FBXO15: variants seen among roughly 807,000 people sequenced by gnomAD.
FBXO15 encodes the protein F-box protein 15.
A neutral mutation model predicts 49.5 loss-of-function variants in FBXO15; 30 were observed. The ratio of observed to expected loss-of-function variants is 0.61; its 90% CI spans 0.45 to 0.82. FBXO15 has a LOEUF of 0.82. Ranked by LOEUF, FBXO15 falls within the 40% of genes least tolerant of loss-of-function variation. FBXO15 has a pLI of 0.00. For synonymous variants in FBXO15, 250 were observed against 232.7 expected, an observed-to-expected ratio of 1.07 and a Z score of -0.68; for missense variants, 591 against 631.5, an observed-to-expected ratio of 0.94 and a Z score of 0.69.
At chr18:74,092,079 T>C (rs886206252) in intron 8 of FBXO15, among the ~76,000 whole-genome samples, 1 of 152,218 alleles carries the variant, frequency 6.6e-6, no homozygotes, top group Non-Finnish European at 1.5e-5. Context: ...TCATTCTTCT[T>C]GTTTTTTCCT....
intron 8 of FBXO15, among the ~76,000 whole-genome samples, chr18:74,118,265 C>G (rs1914317740): frequency 6.6e-6 from 1 of 152,032 alleles, no homozygotes; most frequent in African/African-American, 2.4e-5. Context: ...TTTCAAATTG[C>G]TAGGTACAAA....
intron 8 of FBXO15, among the ~76,000 whole-genome samples, chr18:74,116,171 A>C (rs1914221896): frequency 6.6e-6 from 1 of 152,220 alleles, no homozygotes; most frequent in East Asian, 1.9e-4. Context: ...AGCAAATGAG[A>C]GCAGGTTGGG....
In FBXO15 at chr18:74,075,179, T is replaced by C. The variant is rs1912210068; in HGVS notation, c.1264-1449A>G. Among the ~76,000 whole-genome samples the C allele has an allele frequency of 6.6e-6, 1 of 151,956 alleles. No individual in the cohort carries two copies. On this transcript the variant is annotated intron_variant, in intron 9 of 9. Coordinates refer to ENST00000419743, the MANE Select transcript of FBXO15 (RefSeq NM_001142958.2). The surrounding 1 kb of genome is among the most constrained non-coding windows in gnomAD (Gnocchi z 4.1). Reference sequence around the variant, plus strand: ...CTCCGCCTCATGGAACAACACCTCATCCCCTCCCTCAGCCCTCTGCATCCT... The same window carrying C: ...CTCCGCCTCATGGAACAACACCTCACCCCCTCCCTCAGCCCTCTGCATCCT...
At chr18:74,099,637 T>C (rs1913425560) in intron 8 of FBXO15, 1 of 152,124 alleles carries the variant, frequency 6.6e-6, no homozygotes, top group Non-Finnish European at 1.5e-5. Flanking sequence ...GAATAGATAA[T>C]TCACCAACCT....
At chr18:74,113,151 T>A (rs1489750679) in intron 8 of FBXO15, among the ~76,000 whole-genome samples, 1 of 152,182 alleles carries the variant, frequency 6.6e-6, no homozygotes, top group Non-Finnish European at 1.5e-5. Context: ...TGAAAAGACA[T>A]GGAGAAAACA....
At chr18:74,088,516 T>G (rs981624866) in intron 8 of FBXO15, among the ~76,000 whole-genome samples, 1 of 152,212 alleles carries the variant, frequency 6.6e-6, no homozygotes, top group Admixed American at 6.5e-5. Context: ...GTTGTAGGTG[T>G]GTGTGGCATT....
chr18:74,146,761 A>G (rs537073761), intron 1 of FBXO15, among the ~76,000 whole-genome samples: 1 of 152,318 alleles, frequency 6.6e-6, no homozygotes, highest in South Asian at 2.1e-4. Context: ...GACACAGGAC[A>G]TAGTTCTGGA....
chr18:74,126,402 T>G (rs559169890), intron 5 of FBXO15, among the ~76,000 whole-genome samples: 1 of 152,356 alleles, frequency 6.6e-6, no homozygotes, highest in Non-Finnish European at 1.5e-5. Context: ...TTGTCTCCTG[T>G]TCTATTCCCT....
At chr18:74,135,265 T>A (rs1032754797) in intron 3 of FBXO15, among the ~76,000 whole-genome samples, 1 of 152,224 alleles carries the variant, frequency 6.6e-6, no homozygotes, top group Admixed American at 6.5e-5. Flanking sequence ...TCTCTATCCA[T>A]TTCGCTCTCC....
At chr18:74,127,118 C>T (rs1978291150) in intron 5 of FBXO15, among the ~76,000 whole-genome samples, 2 of 152,176 alleles carry the variant, frequency 1.3e-5, no homozygotes, top group African/African-American at 4.8e-5. Context: ...ATGAAATCAC[C>T]AGCCTGCTGA....
At chr18:74,145,132 G>A (rs1044875529) in intron 1 of FBXO15, among the ~76,000 whole-genome samples, 3 of 151,998 alleles carry the variant, frequency 2.0e-5, no homozygotes, top group African/African-American at 7.3e-5. Context: ...ATTCAGTAAC[G>A]AATGGATATG....
intron 9 of FBXO15, among the ~76,000 whole-genome samples, chr18:74,076,893 C>A (rs995944242): frequency 6.6e-6 from 1 of 152,204 alleles, no homozygotes. Flanking sequence ...TGACAAAGAG[C>A]CACCCAAGCT....
At chr18:74,131,358 G>A (rs748036084) in intron 3 of FBXO15, among the ~76,000 whole-genome samples, 10 of 152,210 alleles carry the variant, frequency 6.6e-5, no homozygotes, top group South Asian at 2.1e-4. Context: ...GATGCAAGGT[G>A]AGCTGGCCCA....
At chr18:74,100,248 T>C (rs1913455177) in intron 8 of FBXO15, among the ~76,000 whole-genome samples, 1 of 152,012 alleles carries the variant, frequency 6.6e-6, no homozygotes, top group African/African-American at 2.4e-5. Flanking sequence ...AAAACGGAAA[T>C]CAACTCCAAA....
chr18:74,093,693 A>G (rs1184586019), intron 8 of FBXO15, among the ~76,000 whole-genome samples: 2 of 152,234 alleles, frequency 1.3e-5, no homozygotes, highest in Non-Finnish European at 2.9e-5. Context: ...TTTCCACCAC[A>G]TCTGCAGTTT....
At chr18:74,118,426 A>G (rs28649742) in intron 8 of FBXO15, among the ~76,000 whole-genome samples, 5,990 of 148,978 alleles carry the variant, frequency 0.04, 393 homozygotes, top group African/African-American at 0.14. Context: ...ATATATATAT[A>G]TGTGTATATA....
chr18:74,143,599 G>A (rs559080880), intron 1 of FBXO15, among the ~76,000 whole-genome samples: 1 of 152,140 alleles, frequency 6.6e-6, no homozygotes, highest in South Asian at 2.1e-4. Flanking sequence ...CTGCACTGGG[G>A]GAAAAAAATA....
rs978479566 is a variant in FBXO15, at chr18:74,147,793, A to C, written c.-8T>G. On this transcript the variant is annotated 5_prime_UTR_variant, in exon 1 of 10. Coordinates refer to ENST00000419743, the MANE Select transcript of FBXO15 (RefSeq NM_001142958.2). ...ACCGCGTCCAGTCGCCATAGAGACA[A>C]GGAGTTCACCACAGGACCGCGCCAG... The C allele has an allele frequency of 7.2e-6, 11 of 1,528,200 alleles. No homozygotes were observed. Among genetic ancestry groups the C allele is most frequent in the Non-Finnish European group, 8.8e-6 (10 of 1,140,404 alleles). The allele number at this position is 1,528,200 out of a possible 1,614,324, so 94.7% of individuals were successfully genotyped here.
At chr18:74,144,000 G>A (rs9952197) in intron 1 of FBXO15, among the ~76,000 whole-genome samples, 13,385 of 152,218 alleles carry the variant, frequency 0.088, 1,092 homozygotes, top group African/African-American at 0.21. Flanking sequence ...ACTGCTGATC[G>A]TTCAGCACCC....
Sources: gnomAD v4.1 joint callset for allele counts (sites outside exome capture counted in the v4.1 genomes callset) on GRCh38, gnomAD v4.1.1 for gene constraint, Gnocchi (gnomAD v3.1) non-coding constraint, MANE v1.5 for transcripts, NCBI Gene and HGNC (gene_info 2026-07-23, HGNC 2026-07-21) for gene names.